Variants in NCAM2 observed in about 807,000 individuals in gnomAD.
NCAM2 encodes N-CAM-2.
A neutral mutation model predicts 98.1 loss-of-function variants in NCAM2; 30 were observed. That is an observed-to-expected ratio of 0.31 (90% CI 0.23 to 0.41). The LOEUF (loss-of-function observed/expected upper bound fraction) is 0.41, where lower values mean the gene tolerates loss of function less well. Among genes scored for constraint, NCAM2 ranks in the 10% least tolerant of loss-of-function variants. The pLI, the probability that NCAM2 is intolerant of heterozygous loss-of-function variation, is 1.00. For synonymous variants in NCAM2, 368 were observed against 342.4 expected, an observed-to-expected ratio of 1.07 and a Z score of -0.83; for missense variants, 867 against 1,005.8, an observed-to-expected ratio of 0.86 and a Z score of 1.87.
intron 1 of NCAM2, among the ~76,000 whole-genome samples, chr21:21,117,253 T>C (rs1036495967): frequency 1.3e-5 from 2 of 152,166 alleles, no homozygotes; most frequent in Non-Finnish European, 2.9e-5. Context: ...ACTTTTCTAC[T>C]CTCTGTTTCT....
intron 1 of NCAM2, among the ~76,000 whole-genome samples, chr21:21,095,440 A>G (rs539199330): frequency 6.6e-5 from 10 of 151,584 alleles, no homozygotes; most frequent in Non-Finnish European, 1.3e-4. Context: ...CTATCTATCT[A>G]GCTAGCTACC....
At chr21:21,305,453 A>G (rs1311042560) in intron 5 of NCAM2, among the ~76,000 whole-genome samples, 1 of 152,148 alleles carries the variant, frequency 6.6e-6, no homozygotes, top group Non-Finnish European at 1.5e-5. Flanking sequence ...GGTGAATAGA[A>G]ATGATACAAT....
intron 10 of NCAM2, among the ~76,000 whole-genome samples, chr21:21,411,223 T>A (rs2076881493): frequency 7.1e-6 from 1 of 140,904 alleles, no homozygotes; most frequent in Admixed American, 7.3e-5. Flanking sequence ...TTTTTCCATA[T>A]ATATATATAT....
intron 1 of NCAM2, among the ~76,000 whole-genome samples, chr21:21,146,333 T>C (rs2067273341): frequency 6.6e-6 from 1 of 151,606 alleles, no homozygotes; most frequent in South Asian, 2.1e-4. Flanking sequence ...TAAAATGTTA[T>C]AGAGGGAAAA....
rs991305730 is a variant in NCAM2, at chr21:21,447,494, A to C, written c.1654+15213A>C. On this transcript the variant is annotated intron_variant, in intron 12 of 17. Coordinates refer to ENST00000400546, the MANE Select transcript of NCAM2 (RefSeq NM_004540.5). Reference sequence around the variant, plus strand: ...CAGTTCAAGACGTAGGCATGGGCAAAAACTTCATGACGAAAAGCCAAAAGC... The same window carrying C: ...CAGTTCAAGACGTAGGCATGGGCAACAACTTCATGACGAAAAGCCAAAAGC... 2.0e-5 allele frequency among the ~76,000 whole-genome samples: 3 copies of C among 152,166 alleles called. No individual in the cohort carries two copies. In the East Asian group the frequency reaches 5.8e-4, roughly 29 times the overall value.
At chr21:21,341,848 T>C (rs1340347852) in intron 8 of NCAM2, among the ~76,000 whole-genome samples, 1 of 152,026 alleles carries the variant, frequency 6.6e-6, no homozygotes, top group Non-Finnish European at 1.5e-5. Context: ...CTCAACACAG[T>C]CCCAAGTAGC....
At chr21:21,233,593 T>C (rs935221273) in intron 1 of NCAM2, among the ~76,000 whole-genome samples, 1 of 151,706 alleles carries the variant, frequency 6.6e-6, no homozygotes, top group Non-Finnish European at 1.5e-5. Flanking sequence ...TATTTATTGC[T>C]GTCTGGAAAA....
rs1366291296 is a variant in NCAM2, at chr21:21,508,707, C to T, written c.2078-144C>T. 4.9e-6 allele frequency: 3 copies of T among 611,940 alleles called. No homozygotes were observed. In the Admixed American group the frequency reaches 1.2e-4, roughly 24 times the overall value. 37.9% of individuals were successfully genotyped at this position (611,940 alleles called of 1,614,324 possible). ...TCATGAAATTGAATTCTGCCGGTTA[C>T]TATGACTTTATTCTGTCTCTTAAAT... is the stretch of plus-strand genomic sequence containing the variant. On this transcript the variant is annotated intron_variant, in intron 15 of 17. Coordinates refer to ENST00000400546, the MANE Select transcript of NCAM2 (RefSeq NM_004540.5).
At position 21,522,963 on chromosome 21, in the gene NCAM2, G is replaced by C. The variant is rs1481852556; in HGVS notation, c.2283-11574G>C. 4.6e-5 allele frequency among the ~76,000 whole-genome samples: 7 copies of C among 152,236 alleles called. No individual in the cohort carries two copies. The East Asian group carries it at 9.7e-4, about 21-fold the overall frequency. On this transcript the variant is annotated intron_variant, in intron 16 of 17. Coordinates refer to ENST00000400546, the MANE Select transcript of NCAM2 (RefSeq NM_004540.5). ...CAGAGCAGAAAAATGCTTTAAACTA[G>C]AAACTCAGGTCTCCAAATCATTTGA...
chr21:21,087,614 C>T (rs374644202), intron 1 of NCAM2, among the ~76,000 whole-genome samples: 9 of 152,142 alleles, frequency 5.9e-5, no homozygotes, highest in Non-Finnish European at 1.0e-4. Flanking sequence ...AAGGTGTTAT[C>T]TTAATTTGAG....
chr21:21,302,856 C>A (rs2073763387), intron 5 of NCAM2, among the ~76,000 whole-genome samples: 1 of 152,052 alleles, frequency 6.6e-6, no homozygotes, highest in Non-Finnish European at 1.5e-5. Flanking sequence ...AACCTAGATT[C>A]CCATCAATAT....
intron 1 of NCAM2, among the ~76,000 whole-genome samples, chr21:21,100,223 A>T (rs2066212148): frequency 6.6e-6 from 1 of 151,940 alleles, no homozygotes; most frequent in Admixed American, 6.6e-5. Flanking sequence ...TTGGTATTTG[A>T]CCAAAAAAAA....
In NCAM2 at chr21:21,483,640, C is replaced by T. The variant is rs193143681; in HGVS notation, c.2077+6169C>T. On this transcript the variant is annotated intron_variant, in intron 15 of 17. Coordinates refer to ENST00000400546, the MANE Select transcript of NCAM2 (RefSeq NM_004540.5). Reference sequence around the variant, plus strand: ...GAACATAAGTTTAAAAATTCTAAAACAATGGTGAAATAGAAGTCCAATTAC... The same window carrying T: ...GAACATAAGTTTAAAAATTCTAAAATAATGGTGAAATAGAAGTCCAATTAC... Among the ~76,000 whole-genome samples the T allele has an allele frequency of 2.6e-5, 4 of 152,136 alleles. No homozygotes were observed. In the East Asian group the frequency reaches 7.7e-4, roughly 29 times the overall value.
At chr21:21,061,729 G>T (rs1486763390) in intron 1 of NCAM2, among the ~76,000 whole-genome samples, 2 of 151,886 alleles carry the variant, frequency 1.3e-5, no homozygotes, top group Non-Finnish European at 1.5e-5. Flanking sequence ...TTAACACATA[G>T]ATATGTCTTA....
intron 1 of NCAM2, among the ~76,000 whole-genome samples, chr21:21,088,442 G>A (rs1420407133): frequency 6.6e-6 from 1 of 152,148 alleles, no homozygotes; most frequent in Admixed American, 6.5e-5. Flanking sequence ...GCTGGGTTGG[G>A]ATTCATTACA....
intron 1 of NCAM2, among the ~76,000 whole-genome samples, chr21:21,253,598 C>T (rs1444240914): frequency 1.3e-5 from 2 of 152,164 alleles, no homozygotes; most frequent in African/African-American, 4.8e-5. Context: ...GAATCTTTGA[C>T]TTGCCAGCCT....
chr21:21,120,608 T>C (rs1041667329), intron 1 of NCAM2, among the ~76,000 whole-genome samples: 8 of 152,146 alleles, frequency 5.3e-5, no homozygotes, highest in African/African-American at 1.9e-4. Context: ...CTGTTTGTTT[T>C]CAAGAATGAG....
chr21:21,389,178 C>G (rs953918879), intron 9 of NCAM2, among the ~76,000 whole-genome samples: 1 of 152,168 alleles, frequency 6.6e-6, no homozygotes, highest in Non-Finnish European at 1.5e-5. Flanking sequence ...TGGGGGGAAG[C>G]CTTACAATCA....
At chr21:21,373,214 C>T (rs759873897) in intron 8 of NCAM2, among the ~76,000 whole-genome samples, 22 of 151,802 alleles carry the variant, frequency 1.4e-4, no homozygotes, top group Non-Finnish European at 1.0e-4. Context: ...TATTTTCTTA[C>T]ATTTGTTCAA....
Sources: allele counts gnomAD v4.1 joint callset (sites outside exome capture counted in the v4.1 genomes callset), GRCh38; gene constraint gnomAD v4.1.1; transcripts MANE v1.5; gene names NCBI Gene and HGNC (gene_info 2026-07-23, HGNC 2026-07-21).